The following ATP10A variants were observed in gnomAD, a reference collection of about 807,000 sequenced individuals.
ATP10A encodes the protein ATPase phospholipid transporting 10A (putative).
A neutral mutation model predicts 147.8 loss-of-function variants in ATP10A; 111 were observed. That is an observed-to-expected ratio of 0.75 (90% CI 0.64 to 0.88). The LOEUF (loss-of-function observed/expected upper bound fraction) is 0.88. Among genes scored for constraint, ATP10A ranks in the 40% least tolerant of loss-of-function variants. The pLI is 0.00. For synonymous variants in ATP10A, 875 were observed against 841.6 expected, an observed-to-expected ratio of 1.04 and a Z score of -0.69; for missense variants, 1,927 against 1,959.0, an observed-to-expected ratio of 0.98 and a Z score of 0.31.
intron 1 of ATP10A, among the ~76,000 whole-genome samples, chr15:25,829,070 C>T (rs1009767286): frequency 2.0e-4 from 31 of 152,274 alleles, no homozygotes; most frequent in African/African-American, 7.2e-4. Context: ...CAAGAACCAA[C>T]GTGGAGTAAG....
rs370767376 is a variant in ATP10A, at chr15:25,784,126, C to A, written c.450-2903G>T. Among the ~76,000 whole-genome samples the A allele has an allele frequency of 2.2e-3, 337 of 152,326 alleles. 4 individuals are homozygous for A. Among genetic ancestry groups the A allele is most frequent in the African/African-American group, 7.5e-3 (313 of 41,582 alleles). ...TTTTGTCCTTCTTCCTTCTCATGAG[C>A]GTCTGCTGGGCTCCTGCAGAGGACA... is the stretch of plus-strand genomic sequence containing the variant. On this transcript the variant is annotated intron_variant, in intron 1 of 20. Transcript: ENST00000555815.
rs185233327 is a variant in ATP10A, at chr15:25,784,047, G to A, written c.450-2824C>T. On this transcript the variant is annotated intron_variant, in intron 1 of 20. Transcript: ENST00000555815. ...CTGAGACACTGACATATCTAGCCATGTGCCTACTTCCTTTTCCAAAGGTCA... is the reference window on the plus strand; with the variant it reads ...CTGAGACACTGACATATCTAGCCATATGCCTACTTCCTTTTCCAAAGGTCA... Among the ~76,000 whole-genome samples, 984 of 152,358 alleles carry A rather than the reference G, an allele frequency of 6.5e-3. 13 individuals are homozygous for A. The highest frequency in any genetic ancestry group is 0.021 in the African/African-American group (861 of 41,588).
chr15:25,807,891 AGCT>A (rs1234828929), intron 1 of ATP10A, among the ~76,000 whole-genome samples: 2 of 152,096 alleles, frequency 1.3e-5, no homozygotes, highest in Non-Finnish European at 2.9e-5. Flanking sequence ...TGAATTCTGC[AGCT>A]GTTTTGTAGT....
At chr15:25,739,041 T>C (rs1476062789) in intron 2 of ATP10A, among the ~76,000 whole-genome samples, 2 of 152,198 alleles carry the variant, frequency 1.3e-5, no homozygotes, top group South Asian at 2.1e-4. Context: ...ACAGATTCTA[T>C]AGAAACGTCC....
At position 25,745,651 on chromosome 15, in the gene ATP10A, G is replaced by A. The variant is rs117130245; in HGVS notation, c.655-9510C>T. 3.0e-3 allele frequency among the ~76,000 whole-genome samples: 454 copies of A among 152,224 alleles called. 8 individuals are homozygous for A. Among genetic ancestry groups the A allele is most frequent in the East Asian group, 0.028 (147 of 5,180 alleles). ...AGCAACAAAAACGGTAAATAAGAAAGTAAATATAAAAGCATGTTGACTGTA... is the reference window on the plus strand; with the variant it reads ...AGCAACAAAAACGGTAAATAAGAAAATAAATATAAAAGCATGTTGACTGTA... On this transcript the variant is annotated intron_variant, in intron 2 of 20. Transcript: ENST00000555815.
chr15:25,797,330 A>G (rs1890718842), intron 1 of ATP10A, among the ~76,000 whole-genome samples: 1 of 152,224 alleles, frequency 6.6e-6, no homozygotes, highest in African/African-American at 2.4e-5. Context: ...AAGAATTCAC[A>G]AAGTACATGT....
At chr15:25,807,272 A>G (rs559504516) in intron 1 of ATP10A, among the ~76,000 whole-genome samples, 1 of 152,324 alleles carries the variant, frequency 6.6e-6, no homozygotes, top group South Asian at 2.1e-4. Context: ...CAGGTGGGGC[A>G]GCCAGCAGGG....
intron 16 of ATP10A, among the ~76,000 whole-genome samples, chr15:25,685,776 G>A (rs1390136340): frequency 1.3e-5 from 2 of 150,410 alleles, no homozygotes; most frequent in African/African-American, 4.9e-5. Flanking sequence ...GTAAGCTAGA[G>A]TGGCGCCACT....
intron 14 of ATP10A, among the ~76,000 whole-genome samples, chr15:25,693,374 AT>A (rs1900139449): frequency 6.6e-6 from 1 of 152,050 alleles, no homozygotes; most frequent in African/African-American, 2.4e-5. Context: ...TTGAGATTCC[AT>A]TCTGTGTTTC....
At chr15:25,846,860 G>A (rs555446477) in intron 1 of ATP10A, among the ~76,000 whole-genome samples, 2 of 152,184 alleles carry the variant, frequency 1.3e-5, no homozygotes, top group African/African-American at 4.8e-5. Context: ...TATTTTGTAT[G>A]TTTCAATAGA....
chr15:25,689,852 G>A (rs556117097), intron 15 of ATP10A, among the ~76,000 whole-genome samples: 9 of 152,322 alleles, frequency 5.9e-5, no homozygotes, highest in African/African-American at 1.9e-4. Context: ...TGGCAGCTCC[G>A]GCCCCTCCCC....
chr15:25,792,957 A>G (rs1318975983), intron 1 of ATP10A, among the ~76,000 whole-genome samples: 2 of 142,440 alleles, frequency 1.4e-5, no homozygotes, highest in Admixed American at 7.5e-5. Context: ...CGCAACCTCC[A>G]CCTCCCAGGT....
chr15:25,859,748 T>C (rs1893673805), intron 1 of ATP10A, among the ~76,000 whole-genome samples: 1 of 152,012 alleles, frequency 6.6e-6, no homozygotes, highest in African/African-American at 2.4e-5. Context: ...CTAAGGGGAT[T>C]CTCACAGAAA....
chr15:25,675,191 T>A (rs551140235), downstream of ATP10A, among the ~76,000 whole-genome samples: 2 of 152,078 alleles, frequency 1.3e-5, no homozygotes, highest in Admixed American at 1.3e-4. Flanking sequence ...GTTTGTGCCA[T>A]CCCAAGTCTG....
chr15:25,710,865 C>G (rs1041369595), intron 10 of ATP10A: 20 of 152,190 alleles, frequency 1.3e-4, no homozygotes, highest in Non-Finnish European at 2.6e-4. Flanking sequence ...AAAGCATAAG[C>G]AAGTGGATCT....
intron 16 of ATP10A, 150 bp downstream of exon 16, chr15:25,687,553 A>C: frequency 1.8e-6 from 1 of 552,370 alleles, no homozygotes; most frequent in Non-Finnish European, 2.7e-6. Flanking sequence ...GAGCCAGCCC[A>C]GGACAGGGGA....
intron 1 of ATP10A, among the ~76,000 whole-genome samples, chr15:25,832,124 G>A (rs1008000414): frequency 6.6e-6 from 1 of 152,152 alleles, no homozygotes; most frequent in African/African-American, 2.4e-5. Flanking sequence ...TCAGATCAAC[G>A]TGGCTGCAAG....
rs73372825 is a variant in ATP10A at position 25,829,567 on chromosome 15, A to G, written c.449+33081T>C. On this transcript the variant is annotated intron_variant, in intron 1 of 20. Transcript: ENST00000555815. Reference sequence around the variant, plus strand: ...TGCGGAGGAGGGTGGGTAGAGAAACATCTAAATGCCCAAATCCATACGTGG... The same window carrying G: ...TGCGGAGGAGGGTGGGTAGAGAAACGTCTAAATGCCCAAATCCATACGTGG... Among the ~76,000 whole-genome samples the G allele has an allele frequency of 8.0e-3, 1,212 of 152,288 alleles. 12 individuals carry two copies. The highest frequency in any genetic ancestry group is 0.028 in the African/African-American group (1,159 of 41,558).
At chr15:25,829,213 T>A (rs1478227314) in intron 1 of ATP10A, among the ~76,000 whole-genome samples, 6 of 152,190 alleles carry the variant, frequency 3.9e-5, no homozygotes, top group Non-Finnish European at 8.8e-5. Flanking sequence ...CACATCTGTC[T>A]GGGAGAAAGG....
Sources: allele counts gnomAD v4.1 joint callset (sites outside exome capture counted in the v4.1 genomes callset), GRCh38; gene constraint gnomAD v4.1.1; transcripts MANE v1.5; gene names NCBI Gene and HGNC (gene_info 2026-07-23, HGNC 2026-07-21).